PIBF1: variants seen among roughly 807,000 people sequenced by gnomAD.
PIBF1 encodes progesterone-induced-blocking factor 1.
In PIBF1, 90 loss-of-function variants were observed where a neutral mutation model predicts 112.5. The observed-to-expected ratio is 0.80, with a 90% CI of 0.67 to 0.95. The LOEUF is 0.95. Among genes scored for constraint, PIBF1 ranks in the 40% least tolerant of loss-of-function variants. The pLI, the probability that PIBF1 is intolerant of heterozygous loss-of-function variation, is 0.00. For missense variants in PIBF1, 915 were observed against 852.3 expected, an observed-to-expected ratio of 1.07 and a Z score of -0.92; for synonymous variants, 301 against 288.6, an observed-to-expected ratio of 1.04 and a Z score of -0.44.
At chr13:72,973,730 C>G (rs766655745) in intron 16 of PIBF1, 55 bp downstream of exon 16, 2 of 938,760 alleles carry the variant, frequency 2.1e-6, no homozygotes, top group Admixed American at 2.2e-5. Flanking sequence ...TTAAAAACTG[C>G]TATCAGGTTA....
chr13:72,931,460 G>A (rs1388658349), intron 14 of PIBF1, among the ~76,000 whole-genome samples, 193 bp downstream of exon 14: 2 of 151,960 alleles, frequency 1.3e-5, no homozygotes, highest in Admixed American at 6.6e-5. Flanking sequence ...AGAACAAAAG[G>A]GAGATTAAAT....
At chr13:72,820,351 A>T (rs2036494567) in intron 5 of PIBF1, among the ~76,000 whole-genome samples, 1 of 152,176 alleles carries the variant, frequency 6.6e-6, no homozygotes, top group Admixed American at 6.6e-5. Flanking sequence ...CTTCAGAAGA[A>T]CTAAAGATTC....
chr13:72,874,559 C>G (rs932977622), intron 10 of PIBF1, among the ~76,000 whole-genome samples: 1 of 152,090 alleles, frequency 6.6e-6, no homozygotes, highest in Non-Finnish European at 1.5e-5. Flanking sequence ...TCAATAGTTG[C>G]CAAGAGCCAG....
intron 14 of PIBF1, among the ~76,000 whole-genome samples, chr13:72,940,652 G>T (rs980795478): frequency 6.6e-6 from 1 of 152,090 alleles, no homozygotes; most frequent in African/African-American, 2.4e-5. Context: ...ACATAGTTAG[G>T]TTTCTTGGAA....
At chr13:72,803,490 G>A (rs1439773800) in intron 5 of PIBF1, among the ~76,000 whole-genome samples, 1 of 152,142 alleles carries the variant, frequency 6.6e-6, no homozygotes, top group Non-Finnish European at 1.5e-5. Flanking sequence ...ATTGCCAATA[G>A]TATGTGTTTC....
Position 72,965,987 on chromosome 13 carries a change from A to G in PIBF1, c.1964+583A>G, listed in dbSNP as rs532253674. On this transcript the variant is annotated intron_variant, in intron 15 of 17. Coordinates refer to ENST00000326291, the MANE Select transcript of PIBF1 (RefSeq NM_006346.4). ...CAGTTTGGTTTTTTAAACTGAAATT[A>G]AAGAATGAAGATATGTGTAAATGAA... 3.3e-5 allele frequency among the ~76,000 whole-genome samples: 5 copies of G among 152,356 alleles called. No individual in the cohort carries two copies. In the South Asian group the frequency reaches 1.0e-3, roughly 32 times the overall value.
At chr13:72,792,332 C>T (rs2034975229) in intron 2 of PIBF1, 115 bp from the exon 3 acceptor site, 1 of 658,814 alleles carries the variant, frequency 1.5e-6, no homozygotes, top group Non-Finnish European at 2.6e-6. Flanking sequence ...TGTGCCTGGT[C>T]CCTCTATCCA....
intron 14 of PIBF1, among the ~76,000 whole-genome samples, chr13:72,962,733 T>C (rs182003268): frequency 1.8e-4 from 27 of 152,264 alleles, no homozygotes; most frequent in African/African-American, 5.5e-4. Context: ...TTAGATTCAG[T>C]CCCTGTCAAA....
chr13:73,015,927 G>A lies in PIBF1; in HGVS notation c.*8G>A, dbSNP rs370210893. The stretch of plus-strand genomic sequence containing the variant: ...CAAAAGATGAAGACCTAGTGTTTTG[G>A]ATGGGAAGCACCTGTAGACCATTAT... On this transcript the variant is annotated 3_prime_UTR_variant, in exon 18 of 18. Coordinates refer to ENST00000326291, the MANE Select transcript of PIBF1 (RefSeq NM_006346.4). The A allele has an allele frequency of 6.3e-7, 1 of 1,576,236 alleles. No homozygotes were observed. Among genetic ancestry groups the A allele is most frequent in the Non-Finnish European group, 8.6e-7 (1 of 1,156,314 alleles).
intron 10 of PIBF1, among the ~76,000 whole-genome samples, chr13:72,888,987 C>G (rs1225204200): frequency 2.6e-5 from 4 of 151,842 alleles, no homozygotes; most frequent in African/African-American, 9.7e-5. Context: ...ATGGCTTGAG[C>G]CCAGGATTTC....
intron 14 of PIBF1, among the ~76,000 whole-genome samples, chr13:72,942,024 A>G (rs994324125): frequency 6.6e-6 from 1 of 152,170 alleles, no homozygotes; most frequent in African/African-American, 2.4e-5. Flanking sequence ...AAGTAATAAA[A>G]CATTTATCTC....
chr13:72,838,972 A>G (rs2037483767), intron 9 of PIBF1, among the ~76,000 whole-genome samples: 1 of 152,238 alleles, frequency 6.6e-6, no homozygotes, highest in Non-Finnish European at 1.5e-5. Flanking sequence ...GGGAGTTAAA[A>G]GAGATGAAAC....
At chr13:72,871,103 C>T (rs2039144158) in intron 10 of PIBF1, among the ~76,000 whole-genome samples, 1 of 152,016 alleles carries the variant, frequency 6.6e-6, no homozygotes, top group South Asian at 2.1e-4. Context: ...TGGATGGTGG[C>T]ATAGATAATA....
At chr13:72,889,033 C>G (rs192418212) in intron 10 of PIBF1, among the ~76,000 whole-genome samples, 94 of 150,752 alleles carry the variant, frequency 6.2e-4, no homozygotes, top group Middle Eastern at 3.4e-3. Flanking sequence ...GACCCTGTAT[C>G]TACAAAAAAT....
intron 5 of PIBF1, among the ~76,000 whole-genome samples, chr13:72,800,071 A>T (rs1269432226): frequency 6.6e-6 from 1 of 152,218 alleles, no homozygotes; most frequent in Non-Finnish European, 1.5e-5. Context: ...AGCCTTGCTC[A>T]GTCGCCCCAG....
intron 17 of PIBF1, among the ~76,000 whole-genome samples, chr13:73,002,162 C>T (rs916017008): frequency 6.6e-6 from 1 of 152,046 alleles, no homozygotes; most frequent in African/African-American, 2.4e-5. Context: ...AGCATCTGAA[C>T]AAAGCAGATA....
At chr13:72,919,468 A>G (rs2041218073) in intron 13 of PIBF1, among the ~76,000 whole-genome samples, 1 of 152,220 alleles carries the variant, frequency 6.6e-6, no homozygotes, top group African/African-American at 2.4e-5. Context: ...AAAAGTCACA[A>G]TGGGTAACCT....
At chr13:72,978,386 T>G (rs2043076456) in intron 16 of PIBF1, among the ~76,000 whole-genome samples, 1 of 152,218 alleles carries the variant, frequency 6.6e-6, no homozygotes, top group African/African-American at 2.4e-5. Flanking sequence ...CAACTGTGAT[T>G]ACGTAGTCAA....
intron 9 of PIBF1, among the ~76,000 whole-genome samples, chr13:72,841,568 C>T (rs1462411558): frequency 2.0e-5 from 3 of 152,000 alleles, no homozygotes; most frequent in East Asian, 1.9e-4. Context: ...TCTAGGAGTT[C>T]GAGACCAGCC....
Sources: gnomAD v4.1 joint callset for allele counts (sites outside exome capture counted in the v4.1 genomes callset) on GRCh38, gnomAD v4.1.1 for gene constraint, MANE v1.5 for transcripts, NCBI Gene and HGNC (gene_info 2026-07-23, HGNC 2026-07-21) for gene names.